The following TBX15 variants were observed in gnomAD, a reference collection of about 807,000 sequenced individuals.
TBX15 encodes the protein T-box transcription factor 15.
TBX15 carries 18 observed loss-of-function variants against 53.9 expected under a neutral mutation model. The observed-to-expected ratio is 0.33, with a 90% CI of 0.23 to 0.49. The LOEUF is 0.49. Ranked by LOEUF, TBX15 falls within the 20% of genes least tolerant of loss-of-function variation. The probability of loss-of-function intolerance (pLI) is 0.98; values close to 1 mark genes in which losing one functional copy is unlikely to be tolerated. For synonymous variants in TBX15, 295 were observed against 278.0 expected (o/e 1.06, Z -0.61); for missense variants, 692 against 749.5 (o/e 0.92, Z 0.90).
Position 118,956,517 on chromosome 1 carries a change from G to A in TBX15, c.206-24685C>T, listed in dbSNP as rs147675313. Among the ~76,000 whole-genome samples, 34 of 152,242 alleles carry A rather than the reference G, an allele frequency of 2.2e-4. No individual in the cohort carries two copies. In the East Asian group the frequency reaches 5.4e-3, roughly 24 times the overall value. On this transcript the variant is annotated intron_variant, in intron 1 of 7. Coordinates refer to ENST00000369429, the MANE Select transcript of TBX15 (RefSeq NM_001330677.2). ...CATGAAGGAGTTCCTTCTAATAGTT[G>A]CTGTAAATTTTCTGTAAACTTAAAA...
intron 1 of TBX15, among the ~76,000 whole-genome samples, chr1:118,980,349 C>CG (rs1174884889): frequency 6.6e-6 from 1 of 152,142 alleles, no homozygotes; most frequent in African/African-American, 2.4e-5. Context: ...TCCAAGGCTC[C>CG]GGGCTAGGTC....
intron 1 of TBX15, among the ~76,000 whole-genome samples, chr1:118,940,018 T>G (rs535098294): frequency 6.6e-6 from 1 of 152,026 alleles, no homozygotes; most frequent in East Asian, 1.9e-4. Context: ...ATTGAATTAG[T>G]CTGACACTAG....
At chr1:118,891,521 C>G (rs1364889931) in intron 7 of TBX15, among the ~76,000 whole-genome samples, 1 of 152,132 alleles carries the variant, frequency 6.6e-6, no homozygotes, top group Non-Finnish European at 1.5e-5. Context: ...CTGCCTTAGC[C>G]CTACCTTCAG....
chr1:118,944,409 G>A (rs1315845323), intron 1 of TBX15, among the ~76,000 whole-genome samples: 1 of 152,148 alleles, frequency 6.6e-6, no homozygotes, highest in East Asian at 1.9e-4. Flanking sequence ...TCCTCACCAT[G>A]TCACTTAATT....
intron 1 of TBX15, among the ~76,000 whole-genome samples, chr1:118,961,183 C>A (rs1331829090): frequency 6.6e-6 from 1 of 152,170 alleles, no homozygotes; most frequent in Non-Finnish European, 1.5e-5. Flanking sequence ...AGGCTCTGTG[C>A]CCCATACTCT....
At chr1:118,904,080 G>A (rs572234443) in intron 6 of TBX15, among the ~76,000 whole-genome samples, 3 of 152,260 alleles carry the variant, frequency 2.0e-5, no homozygotes, top group Non-Finnish European at 4.4e-5. Context: ...ATGTTTTGGG[G>A]ACATAGTTCA....
intron 1 of TBX15, among the ~76,000 whole-genome samples, chr1:118,971,401 A>G (rs924760941): frequency 6.6e-6 from 1 of 152,210 alleles, no homozygotes; most frequent in African/African-American, 2.4e-5. Context: ...AGTCATCTGT[A>G]AAGTGGCTGT....
intron 1 of TBX15, among the ~76,000 whole-genome samples, chr1:118,979,353 C>T (rs1657561825): frequency 6.6e-6 from 1 of 151,972 alleles, no homozygotes; most frequent in Non-Finnish European, 1.5e-5. Context: ...CAGGGATCCT[C>T]CACGTCACGA....
chr1:118,897,527 A>G (rs1281573789), intron 7 of TBX15, among the ~76,000 whole-genome samples: 5 of 152,238 alleles, frequency 3.3e-5, no homozygotes, highest in African/African-American at 7.2e-5. Context: ...AAGCCACCAG[A>G]GAACTAAATC....
At chr1:118,949,070 G>A (rs561812730) in intron 1 of TBX15, among the ~76,000 whole-genome samples, 1 of 152,308 alleles carries the variant, frequency 6.6e-6, no homozygotes, top group African/African-American at 2.4e-5. Flanking sequence ...TGGCATTTGA[G>A]AGCTTGAAAT....
chr1:118,963,833 T>C (rs1461089208), intron 1 of TBX15, among the ~76,000 whole-genome samples: 1 of 152,234 alleles, frequency 6.6e-6, no homozygotes, highest in African/African-American at 2.4e-5. Context: ...TTTGTAAGCA[T>C]GATGCAAGAG....
intron 6 of TBX15, 133 bp downstream of exon 6, chr1:118,913,982 C>A: frequency 1.2e-6 from 1 of 845,072 alleles, no homozygotes; most frequent in Non-Finnish European, 2.0e-6. Context: ...CTATCCATTT[C>A]TCTTTGCCGA....
chr1:118,966,477 G>A (rs905895385), intron 1 of TBX15, among the ~76,000 whole-genome samples: 4 of 152,114 alleles, frequency 2.6e-5, no homozygotes, highest in African/African-American at 9.7e-5. Context: ...ATTCCTAGGA[G>A]AACTAGAAGA....
chr1:118,930,456 C>T (rs371862743), intron 2 of TBX15, among the ~76,000 whole-genome samples: 2 of 152,188 alleles, frequency 1.3e-5, no homozygotes, highest in African/African-American at 4.8e-5. Flanking sequence ...TGCTCTCTCA[C>T]CCAGGGTGGA....
intron 1 of TBX15, among the ~76,000 whole-genome samples, chr1:118,961,514 T>C (rs1656872725): frequency 6.6e-6 from 1 of 152,210 alleles, no homozygotes. Context: ...CCCCATTTAC[T>C]ATGTAAAATT....
intron 6 of TBX15, 94 bp downstream of exon 6, chr1:118,914,021 G>T: frequency 7.6e-7 from 1 of 1,312,038 alleles, no homozygotes; most frequent in Non-Finnish European, 1.1e-6. Context: ...GCATACAGGT[G>T]TTTTCTAAAA....
Position 118,884,925 on chromosome 1 carries a change from T to G in TBX15, c.1616A>C (p.Gln539Pro). The G allele has an allele frequency of 6.2e-7, 1 of 1,614,178 alleles. No homozygotes were observed. Among genetic ancestry groups the G allele is most frequent in the Non-Finnish European group, 8.5e-7 (1 of 1,180,038 alleles). ...AASPEKLSAS[Q>P]STLLCSSPSN... ...AGGAGAAGAACAGAGTAAAGTGCTT[T>G]GAGAGGCGCTCAGTTTTTCCGGGCT... The change falls in exon 8 of 8, where the codon CAA becomes CCA. Residue 539 changes from glutamine to proline, a missense_variant. Around this residue, in one of 3 missense-constraint regions of TBX15, gnomAD observed 375 missense variants for 371.6 expected, o/e 1.01. Coordinates refer to ENST00000369429, the MANE Select transcript of TBX15 (RefSeq NM_001330677.2).
intron 1 of TBX15, among the ~76,000 whole-genome samples, chr1:118,976,260 A>T (rs1657429306): frequency 6.6e-6 from 1 of 152,042 alleles, no homozygotes; most frequent in African/African-American, 2.4e-5. Context: ...CAGCTCAGTT[A>T]TAGGTTTTCT....
chr1:118,959,988 C>T (rs1656813761), intron 1 of TBX15, among the ~76,000 whole-genome samples: 1 of 150,940 alleles, frequency 6.6e-6, no homozygotes, highest in South Asian at 2.1e-4. Flanking sequence ...AAAGGCCCAG[C>T]AGCAACTTAG....
Sources: gnomAD v4.1 joint callset for allele counts (sites outside exome capture counted in the v4.1 genomes callset) on GRCh38, gnomAD v4.1.1 for gene constraint, gnomAD v4.1.1 regional missense constraint, MANE v1.5 for transcripts, NCBI Gene and HGNC (gene_info 2026-07-23, HGNC 2026-07-21) for gene names.